TUSC3: variants seen among roughly 807,000 people sequenced by gnomAD.
The protein encoded by TUSC3 is tumor suppressor candidate 3.
In TUSC3, 45 loss-of-function variants were observed where a neutral mutation model predicts 44.8. That is an observed-to-expected ratio of 1.00 (90% CI 0.79 to 1.29). The LOEUF (loss-of-function observed/expected upper bound fraction) is 1.29. Among genes scored for constraint, TUSC3 ranks in the 50% most tolerant of loss-of-function variants. The pLI, the probability that TUSC3 is intolerant of heterozygous loss-of-function variation, is 0.00. For missense variants in TUSC3, 519 were observed against 437.9 expected (o/e 1.19, Z -1.65); for synonymous variants, 212 against 152.9 (o/e 1.39, Z -2.85).
the TUSC3 span, among the ~76,000 whole-genome samples, chr8:15,829,500 G>A: frequency 1.3e-5 from 2 of 151,956 alleles, no homozygotes; most frequent in African/African-American, 4.8e-5. Context: ...ACTCTTATTA[G>A]GTACAGTTCA....
chr8:15,492,932 A>G (rs1222614831), intron 2 of TUSC3, among the ~76,000 whole-genome samples: 1 of 152,194 alleles, frequency 6.6e-6, no homozygotes, highest in Non-Finnish European at 1.5e-5. Flanking sequence ...ATCATGAAAA[A>G]AAGACAAAAC....
intron 8 of TUSC3, among the ~76,000 whole-genome samples, chr8:15,745,995 C>T (rs1309324446): frequency 6.6e-6 from 1 of 152,060 alleles, no homozygotes; most frequent in Non-Finnish European, 1.5e-5. Flanking sequence ...CCAGTTATCC[C>T]AGCAACATTT....
rs992849971 is a variant in TUSC3, at chr8:15,673,668, G to C, written c.709-79G>C. 9 of 1,188,498 alleles carry C rather than the reference G, an allele frequency of 7.6e-6. No individual in the cohort carries two copies. The South Asian group carries it at 9.8e-5, about 13-fold the overall frequency. The allele number at this position is 1,188,498 out of a possible 1,614,324, so 73.6% of individuals were successfully genotyped here. On this transcript the variant is annotated intron_variant, in intron 5 of 10. Transcript: ENST00000503731. ...CATGATTTTTAAAAGATACTTTCAT[G>C]ATGACCATTGTCTTTTAGAAATGCA... is the stretch of plus-strand genomic sequence containing the variant.
At chr8:15,778,099 C>CAA in the TUSC3 span, among the ~76,000 whole-genome samples, 3,644 of 134,584 alleles carry the variant, frequency 0.027, 65 homozygotes, top group Middle Eastern at 0.042. Context: ...CACTTTAAGG[C>CAA]AAAAAAAAAA....
At chr8:15,548,089 G>C (rs1171640478) in intron 1 of TUSC3, among the ~76,000 whole-genome samples, 2 of 151,652 alleles carry the variant, frequency 1.3e-5, no homozygotes, top group Admixed American at 6.6e-5. Flanking sequence ...CTGGAACTCT[G>C]ATCTTGGACT....
intron 3 of TUSC3, 90 bp downstream of exon 3, chr8:15,650,904 C>A: frequency 7.3e-7 from 1 of 1,361,760 alleles, no homozygotes. Context: ...ATTCATTCAT[C>A]GTCTGAACCT....
intron 2 of TUSC3, among the ~76,000 whole-genome samples, chr8:15,624,300 A>T (rs763479892): frequency 1.3e-5 from 2 of 151,452 alleles, no homozygotes; most frequent in Non-Finnish European, 2.9e-5. Flanking sequence ...GCAGGTTTTT[A>T]TGTGAACTTA....
chr8:15,585,829 C>A (rs1264275577), intron 1 of TUSC3, among the ~76,000 whole-genome samples: 5 of 152,142 alleles, frequency 3.3e-5, no homozygotes, highest in Non-Finnish European at 7.4e-5. Flanking sequence ...GAGGACCCAC[C>A]CTAACTGCCT....
At chr8:15,628,853 G>A (rs1805633714) in intron 2 of TUSC3, among the ~76,000 whole-genome samples, 1 of 152,284 alleles carries the variant, frequency 6.6e-6, no homozygotes, top group South Asian at 2.1e-4. Flanking sequence ...TTTTCTTCAT[G>A]GTGTGAAGTG....
the TUSC3 span, among the ~76,000 whole-genome samples, chr8:15,845,741 C>T: frequency 0.34 from 51,269 of 151,934 alleles, 10,128 homozygotes; most frequent in African/African-American, 0.54. Context: ...CACAAGCCCT[C>T]TACTCATTTC....
At chr8:15,655,603 A>G (rs1015429886) in intron 3 of TUSC3, among the ~76,000 whole-genome samples, 2 of 152,288 alleles carry the variant, frequency 1.3e-5, no homozygotes, top group African/African-American at 2.4e-5. Flanking sequence ...TCCTGCTCCA[A>G]AACTTTTAAA....
intron 1 of TUSC3, among the ~76,000 whole-genome samples, chr8:15,434,530 CT>C (rs59579003): frequency 0.68 from 92,219 of 135,632 alleles, 31,880 homozygotes; most frequent in East Asian, 0.91. Flanking sequence ...AAAGCCATTC[CT>C]TTTTTTTTTT....
intron 2 of TUSC3, among the ~76,000 whole-genome samples, chr8:15,516,214 T>C (rs182277425): frequency 1.3e-4 from 20 of 152,330 alleles, no homozygotes; most frequent in African/African-American, 3.4e-4. Context: ...ACATATCTTA[T>C]ATTCTGTCCT....
At chr8:15,456,852 A>G (rs1355679339) in intron 1 of TUSC3, among the ~76,000 whole-genome samples, 5 of 152,166 alleles carry the variant, frequency 3.3e-5, no homozygotes, top group African/African-American at 1.2e-4. Flanking sequence ...TATAGTTCAG[A>G]TCTTGTAATA....
intron 2 of TUSC3, among the ~76,000 whole-genome samples, chr8:15,501,067 C>G (rs1472443413): frequency 6.6e-6 from 1 of 152,112 alleles, no homozygotes. Context: ...CTAAGACAGA[C>G]AGTTTATAAA....
rs963461494 is a variant in TUSC3 at position 15,540,583 on chromosome 8, C to CT, written c.138+17dup. 6.4e-7 allele frequency: 1 copy of CT among 1,551,450 alleles called. No homozygotes were observed. The highest frequency in any genetic ancestry group is 1.4e-5 in the African/African-American group (1 of 70,722). ...AGAAAAAGGAGGTAGAATGGATCCC[C>CT]TTGGCCTTCCCCTGTGGGCGGGGGC... On this transcript the variant is annotated intron_variant, in intron 1 of 10. Transcript: ENST00000503731.
At chr8:15,689,131 CTAGCTCATT>C (rs1282006481) in intron 6 of TUSC3, 1 of 393,712 alleles carries the variant, frequency 2.5e-6, no homozygotes, top group Non-Finnish European at 5.1e-6. Context: ...CGCCATTCTT[CTAGCTCATT>C]TATCGCTTTT....
intron 2 of TUSC3, among the ~76,000 whole-genome samples, chr8:15,490,159 A>G (rs1800788337): frequency 6.6e-6 from 1 of 152,220 alleles, no homozygotes; most frequent in Non-Finnish European, 1.5e-5. Flanking sequence ...TGGAAAAGCT[A>G]GAACAACAAA....
chr8:15,721,989 T>G (rs1563190143), intron 6 of TUSC3, among the ~76,000 whole-genome samples: 1 of 152,036 alleles, frequency 6.6e-6, no homozygotes, highest in South Asian at 2.1e-4. Context: ...TTGGAAAATA[T>G]AGTAGAATGA....
Sources: allele counts gnomAD v4.1 joint callset (sites outside exome capture counted in the v4.1 genomes callset), GRCh38; gene constraint gnomAD v4.1.1; transcripts MANE v1.5; gene names NCBI Gene and HGNC (gene_info 2026-07-23, HGNC 2026-07-21).